WWOX: variants seen among roughly 807,000 people sequenced by gnomAD.
The protein encoded by WWOX is WW domain containing oxidoreductase, also known as WW domain-containing oxidoreductase.
Under a neutral mutation model 46.2 loss-of-function variants are expected in WWOX, and 69 were observed. The ratio of observed to expected loss-of-function variants is 1.49; its 90% CI spans 1.23 to 1.82. WWOX has a LOEUF of 1.82. Ranked by LOEUF, WWOX falls within the 40% of genes most tolerant of loss-of-function variation. The probability of loss-of-function intolerance (pLI) is 0.00; values close to 1 mark genes in which losing one functional copy is unlikely to be tolerated. For synonymous variants in WWOX, 359 were observed against 202.6 expected (o/e 1.77, Z -6.56); for missense variants, 919 against 542.6 (o/e 1.69, Z -6.89).
rs191489754 is a variant in WWOX at position 78,964,615 on chromosome 16, A to C, written c.1057-246993A>C. 1.1e-4 allele frequency among the ~76,000 whole-genome samples: 16 copies of C among 152,334 alleles called. No individual in the cohort carries two copies. The East Asian group carries it at 2.7e-3, about 26-fold the overall frequency. On this transcript the variant is annotated intron_variant, in intron 8 of 8. Coordinates refer to ENST00000566780, the MANE Select transcript of WWOX (RefSeq NM_016373.4). Reference sequence around the variant, plus strand: ...GTCTGATTGTGCGATAGAAAAGAAAAACCCATTTTCTGGGGAGAAATTCAA... The same window carrying C: ...GTCTGATTGTGCGATAGAAAAGAAACACCCATTTTCTGGGGAGAAATTCAA...
intron 8 of WWOX, among the ~76,000 whole-genome samples, chr16:79,103,352 A>C (rs1350652682): frequency 6.6e-6 from 1 of 152,236 alleles, no homozygotes. Flanking sequence ...GGAATCCAGC[A>C]GCTGAAATCC....
At chr16:78,432,251 G>T (rs146526808) in intron 7 of WWOX, among the ~76,000 whole-genome samples, 1 of 151,818 alleles carries the variant, frequency 6.6e-6, no homozygotes, top group South Asian at 2.1e-4. Flanking sequence ...CCGTGTACAG[G>T]CATGCCACCA....
At chr16:78,337,460 A>T (rs1271084695) in intron 5 of WWOX, among the ~76,000 whole-genome samples, 1 of 152,180 alleles carries the variant, frequency 6.6e-6, no homozygotes, top group Non-Finnish European at 1.5e-5. Context: ...CATTTGCTAC[A>T]ATTAATAAAC....
chr16:78,843,589 A>C (rs1226746505), intron 8 of WWOX, among the ~76,000 whole-genome samples: 1 of 135,818 alleles, frequency 7.4e-6, no homozygotes, highest in Non-Finnish European at 1.7e-5. Context: ...GTCCGGTGTA[A>C]AGGAGGAAAT....
At chr16:79,163,795 C>CA (rs66922536) in intron 8 of WWOX, among the ~76,000 whole-genome samples, 1,427 of 101,974 alleles carry the variant, frequency 0.014, 45 homozygotes, top group African/African-American at 0.048. Context: ...AACTCCACCT[C>CA]AAAAAAAAAA....
chr16:78,853,581 A>G (rs948662001), intron 8 of WWOX, among the ~76,000 whole-genome samples: 1 of 152,182 alleles, frequency 6.6e-6, no homozygotes, highest in Admixed American at 6.5e-5. Flanking sequence ...ATGAGGCAGA[A>G]TCTTTGTATT....
At chr16:79,161,766 G>A (rs754556272) in intron 8 of WWOX, among the ~76,000 whole-genome samples, 1 of 152,172 alleles carries the variant, frequency 6.6e-6, no homozygotes, top group Non-Finnish European at 1.5e-5. Context: ...CAATCCACCC[G>A]CCTTGGCCTG....
At chr16:78,527,540 T>C (rs2043505716) in intron 8 of WWOX, among the ~76,000 whole-genome samples, 2 of 152,136 alleles carry the variant, frequency 1.3e-5, no homozygotes, top group Admixed American at 6.5e-5. Context: ...GTGATGAGAC[T>C]GCCTCAGCCA....
chr16:78,306,532 T>A (rs1018147205), intron 5 of WWOX, among the ~76,000 whole-genome samples: 14 of 152,152 alleles, frequency 9.2e-5, no homozygotes, highest in African/African-American at 3.4e-4. Context: ...TATAATGTTG[T>A]TCCTGGATAT....
chr16:78,235,968 T>C (rs569988174), intron 5 of WWOX, among the ~76,000 whole-genome samples: 2 of 152,330 alleles, frequency 1.3e-5, no homozygotes, highest in South Asian at 2.1e-4. Flanking sequence ...CTTTGTGGGC[T>C]TTATGGTCTC....
At chr16:78,510,896 C>T (rs2085345097) in intron 8 of WWOX, among the ~76,000 whole-genome samples, 2 of 152,290 alleles carry the variant, frequency 1.3e-5, no homozygotes, top group African/African-American at 4.8e-5. Flanking sequence ...CGGTGCCTGG[C>T]ACAGAGTCGC....
intron 8 of WWOX, among the ~76,000 whole-genome samples, chr16:78,560,013 A>G (rs1033272778): frequency 1.3e-5 from 2 of 152,230 alleles, no homozygotes; most frequent in African/African-American, 4.8e-5. Context: ...CTTCAGAGAA[A>G]TTAGTGACAT....
chr16:78,388,461 C>G (rs1434825094), intron 6 of WWOX, among the ~76,000 whole-genome samples: 1 of 151,474 alleles, frequency 6.6e-6, no homozygotes, highest in African/African-American at 2.4e-5. Context: ...TCCTGGCCAA[C>G]ATTGTGAAAC....
intron 8 of WWOX, chr16:78,825,963 A>G: frequency 1.3e-6 from 1 of 791,606 alleles, no homozygotes; most frequent in Non-Finnish European, 2.0e-6. Flanking sequence ...AAGGGTGGGA[A>G]GCCAGAGCCG....
At chr16:78,923,266 C>G (rs1036255052) in intron 8 of WWOX, among the ~76,000 whole-genome samples, 6 of 152,176 alleles carry the variant, frequency 3.9e-5, no homozygotes. Flanking sequence ...CAGGCTTGAG[C>G]CACTGTGCCC....
chr16:78,559,143 C>G (rs577794126), intron 8 of WWOX, among the ~76,000 whole-genome samples: 1 of 152,170 alleles, frequency 6.6e-6, no homozygotes, highest in Non-Finnish European at 1.5e-5. Context: ...CTGACCTTCC[C>G]AGGTGCTTCA....
chr16:78,592,838 C>T (rs1363109717), intron 8 of WWOX, among the ~76,000 whole-genome samples: 1 of 152,218 alleles, frequency 6.6e-6, no homozygotes, highest in East Asian at 1.9e-4. Flanking sequence ...GACATTGCTT[C>T]TATCTTCATG....
chr16:79,209,490 A>G (rs151249111), intron 8 of WWOX, among the ~76,000 whole-genome samples: 4 of 152,326 alleles, frequency 2.6e-5, no homozygotes, highest in African/African-American at 9.6e-5. Flanking sequence ...TGAATGCTGA[A>G]TAGTATAACC....
chr16:78,970,211 G>C (rs2046443232), intron 8 of WWOX, among the ~76,000 whole-genome samples: 1 of 152,124 alleles, frequency 6.6e-6, no homozygotes, highest in Admixed American at 6.6e-5. Flanking sequence ...AAAGCCATTA[G>C]CTCTTTTGAT....
Sources: gnomAD v4.1 joint callset for allele counts (sites outside exome capture counted in the v4.1 genomes callset) on GRCh38, gnomAD v4.1.1 for gene constraint, MANE v1.5 for transcripts, NCBI Gene and HGNC (gene_info 2026-07-23, HGNC 2026-07-21) for gene names.